The following CAMK1D variants were observed in gnomAD, a reference collection of about 807,000 sequenced individuals.
CAMK1D encodes calcium/calmodulin dependent protein kinase ID.
CAMK1D carries 9 observed loss-of-function variants against 47.7 expected under a neutral mutation model. That is an observed-to-expected ratio of 0.19 (90% CI 0.11 to 0.33). CAMK1D has a LOEUF of 0.33. Ranked by LOEUF, CAMK1D falls within the 10% of genes least tolerant of loss-of-function variation. The probability of loss-of-function intolerance (pLI) is 1.00; values close to 1 mark genes in which losing one functional copy is unlikely to be tolerated. For missense variants in CAMK1D, 291 were observed against 488.7 expected (o/e 0.60, Z 3.81); for synonymous variants, 184 against 184.9 (o/e 0.99, Z 0.04).
At chr10:12,492,867 TG>T (rs1046559621) in intron 1 of CAMK1D, among the ~76,000 whole-genome samples, 2 of 152,192 alleles carry the variant, frequency 1.3e-5, no homozygotes, top group Non-Finnish European at 2.9e-5. Flanking sequence ...TGTAGGTGAC[TG>T]TCTGTCGTTA....
intron 3 of CAMK1D, among the ~76,000 whole-genome samples, chr10:12,758,390 C>A (rs754945470): frequency 1.3e-5 from 2 of 152,018 alleles, no homozygotes; most frequent in Non-Finnish European, 2.9e-5. Context: ...ATCATATTGT[C>A]ATATTTCTTT....
intron 1 of CAMK1D, among the ~76,000 whole-genome samples, chr10:12,550,588 A>G (rs1032856221): frequency 6.6e-6 from 1 of 152,214 alleles, no homozygotes; most frequent in Non-Finnish European, 1.5e-5. Flanking sequence ...GTCTGACTCC[A>G]TGTATCCCTC....
intron 1 of CAMK1D, among the ~76,000 whole-genome samples, chr10:12,520,386 A>G: frequency 2.2e-5 from 2 of 92,346 alleles, no homozygotes; most frequent in African/African-American, 4.1e-5. Context: ...CCGGGCAGAG[A>G]CGCTCCTCAC....
chr10:12,722,446 CAAAAAAAAAAAAAAAAAAA>C (rs55809900), intron 3 of CAMK1D, among the ~76,000 whole-genome samples: 2 of 48,596 alleles, frequency 4.1e-5, no homozygotes, highest in Non-Finnish European at 7.1e-5. Context: ...GACTCCGCCT[CAAAAAAAAAAAAAAAAAAA>C]AAAAAAAAAA....
At chr10:12,493,554 C>T (rs1028400246) in intron 1 of CAMK1D, among the ~76,000 whole-genome samples, 5 of 151,954 alleles carry the variant, frequency 3.3e-5, no homozygotes, top group African/African-American at 7.3e-5. Flanking sequence ...AGTGCAGTGG[C>T]GCAATCTCAG....
At chr10:12,527,670 C>CTTG (rs1564392888) in intron 1 of CAMK1D, among the ~76,000 whole-genome samples, 3 of 152,146 alleles carry the variant, frequency 2.0e-5, no homozygotes, top group Admixed American at 1.3e-4. Context: ...GCCACCGCGC[C>CTTG]CAGTTTTGAC....
chr10:12,367,252 C>G (rs1837864481), intron 1 of CAMK1D, among the ~76,000 whole-genome samples: 1 of 152,152 alleles, frequency 6.6e-6, no homozygotes, highest in Non-Finnish European at 1.5e-5. Context: ...CTGCTTTCTG[C>G]TAAGCTGCAG....
At chr10:12,466,130 C>T (rs1176321754) in intron 1 of CAMK1D, among the ~76,000 whole-genome samples, 1 of 151,876 alleles carries the variant, frequency 6.6e-6, no homozygotes, top group African/African-American at 2.4e-5. Context: ...CTAGCCTGGG[C>T]AACATAGTGA....
chr10:12,541,812 A>G (rs2132245843), intron 1 of CAMK1D, among the ~76,000 whole-genome samples: 1 of 148,464 alleles, frequency 6.7e-6, no homozygotes, highest in Non-Finnish European at 1.5e-5. Flanking sequence ...CAAGCCAAGT[A>G]CCACTGACTT....
intron 1 of CAMK1D, among the ~76,000 whole-genome samples, chr10:12,401,399 A>G (rs1240053415): frequency 7.1e-6 from 1 of 140,448 alleles, no homozygotes; most frequent in Non-Finnish European, 1.5e-5. Flanking sequence ...AAATTATAAA[A>G]CCACCAGTTA....
rs927587547 is a variant in CAMK1D, at chr10:12,671,584, A to C, written c.299+4774A>C. On this transcript the variant is annotated intron_variant, in intron 3 of 10. Coordinates refer to ENST00000619168, the MANE Select transcript of CAMK1D (RefSeq NM_153498.4). ...ACATCTTTTCCCATGTTAGCCACTTACATATCTTCTTTGGAGATATGTATA... is the reference window on the plus strand; with the variant it reads ...ACATCTTTTCCCATGTTAGCCACTTCCATATCTTCTTTGGAGATATGTATA... Among the ~76,000 whole-genome samples, 6 of 151,958 alleles carry C rather than the reference A, an allele frequency of 3.9e-5. No homozygotes were observed. The East Asian group carries it at 7.7e-4, about 19-fold the overall frequency.
intron 2 of CAMK1D, among the ~76,000 whole-genome samples, chr10:12,601,732 G>A (rs1838310228): frequency 6.6e-6 from 1 of 152,218 alleles, no homozygotes; most frequent in African/African-American, 2.4e-5. Context: ...AAAGTGTTGG[G>A]ATTACAGACA....
chr10:12,377,673 T>C (rs1838223017), intron 1 of CAMK1D, among the ~76,000 whole-genome samples: 1 of 152,210 alleles, frequency 6.6e-6, no homozygotes, highest in African/African-American at 2.4e-5. Context: ...ACCCACCATA[T>C]AGGAATGCAC....
chr10:12,756,456 G>C (rs1315001698), intron 3 of CAMK1D, among the ~76,000 whole-genome samples: 2 of 152,194 alleles, frequency 1.3e-5, no homozygotes, highest in Non-Finnish European at 2.9e-5. Context: ...ACTTCAAAAT[G>C]ATGTTATGTT....
At chr10:12,355,487 CGTGT>C (rs1401075690) in intron 1 of CAMK1D, among the ~76,000 whole-genome samples, 2 of 148,222 alleles carry the variant, frequency 1.3e-5, no homozygotes, top group African/African-American at 5.0e-5. Context: ...CGCGCGCGTG[CGTGT>C]GTATGTGTGT....
intron 3 of CAMK1D, among the ~76,000 whole-genome samples, chr10:12,741,060 C>T (rs1233025634): frequency 6.6e-6 from 1 of 152,188 alleles, no homozygotes; most frequent in Non-Finnish European, 1.5e-5. Flanking sequence ...GTTGAATGCA[C>T]TCAAATTCTC....
intron 2 of CAMK1D, among the ~76,000 whole-genome samples, chr10:12,584,925 C>T (rs1040269839): frequency 3.9e-5 from 6 of 152,152 alleles, no homozygotes; most frequent in Admixed American, 1.3e-4. Context: ...CTTCCTAATA[C>T]AAACATGCTT....
rs1564452482 is a variant in CAMK1D, at chr10:12,623,459, CCCTCTCTCCCTCCCT to C, written c.225-43273_225-43259del. Among the ~76,000 whole-genome samples the C allele has an allele frequency of 1.2e-3, 16 of 13,748 alleles. 4 individuals are homozygous for C. Among genetic ancestry groups the C allele is most frequent in the Non-Finnish European group, 9.9e-4 (8 of 8,056 alleles). The allele number at this position is 13,748 out of a possible 152,430, so 9.0% of individuals were successfully genotyped here. On this transcript the variant is annotated intron_variant, in intron 2 of 10. Coordinates refer to ENST00000619168, the MANE Select transcript of CAMK1D (RefSeq NM_153498.4). ...TCCCTTCTTTCCTTCCTTCCTCCCT[CCCTCTCTCCCTCCCT>C]CCTTCCTCCCTTCCTTCTTTCCTTT...
At chr10:12,828,299 C>G (rs1833327937) in intron 10 of CAMK1D, among the ~76,000 whole-genome samples, 1 of 152,148 alleles carries the variant, frequency 6.6e-6, no homozygotes, top group South Asian at 2.1e-4. Context: ...GAACCCATTG[C>G]AAAGGCTTTC....
Sources: gnomAD v4.1 joint callset for allele counts (sites outside exome capture counted in the v4.1 genomes callset) on GRCh38, gnomAD v4.1.1 for gene constraint, MANE v1.5 for transcripts, NCBI Gene and HGNC (gene_info 2026-07-23, HGNC 2026-07-21) for gene names.